The following WASF2 variants were observed in gnomAD, a reference collection of about 807,000 sequenced individuals.
WASF2 encodes actin-binding protein WASF2.
Under a neutral mutation model 45.0 loss-of-function variants are expected in WASF2, and 14 were observed. The ratio of observed to expected loss-of-function variants is 0.31; its 90% CI spans 0.21 to 0.49. The LOEUF (loss-of-function observed/expected upper bound fraction) is 0.49, where lower values mean the gene tolerates loss of function less well. WASF2 is among the 20% of genes least tolerant of loss of function. The pLI is 0.99. For synonymous variants in WASF2, 200 were observed against 236.3 expected, an observed-to-expected ratio of 0.85 and a Z score of 1.41; for missense variants, 439 against 636.1, an observed-to-expected ratio of 0.69 and a Z score of 3.33.
At chr1:27,482,975 T>C (rs1330309277) in intron 1 of WASF2, among the ~76,000 whole-genome samples, 1 of 152,166 alleles carries the variant, frequency 6.6e-6, no homozygotes, top group Non-Finnish European at 1.5e-5. Context: ...CCAGGGATGC[T>C]GCTTAAGTAT....
At chr1:27,465,555 A>G (rs552520707) in intron 1 of WASF2, among the ~76,000 whole-genome samples, 1 of 152,292 alleles carries the variant, frequency 6.6e-6, no homozygotes, top group Admixed American at 6.5e-5. Context: ...TACCTCCATG[A>G]TGACCCACAA....
intron 5 of WASF2, 42 bp downstream of exon 5, chr1:27,415,943 C>T (rs376982622): frequency 2.9e-5 from 43 of 1,500,514 alleles, no homozygotes; most frequent in African/African-American, 1.4e-4. Flanking sequence ...CCTCCACAAT[C>T]GTGCCTACTG....
intron 1 of WASF2, among the ~76,000 whole-genome samples, chr1:27,436,806 T>C (rs1186874953): frequency 1.3e-5 from 2 of 152,184 alleles, no homozygotes; most frequent in Non-Finnish European, 2.9e-5. Context: ...CCAAAGGAGC[T>C]AGTAGGACAG....
intron 1 of WASF2, among the ~76,000 whole-genome samples, chr1:27,489,352 C>CACAT (rs577874581): frequency 1.1e-5 from 1 of 90,096 alleles, no homozygotes; most frequent in African/African-American, 5.5e-5. Flanking sequence ...TCATGGTACA[C>CACAT]ACACACACAC....
intron 1 of WASF2, among the ~76,000 whole-genome samples, chr1:27,442,769 G>A (rs780438656): frequency 2.6e-4 from 39 of 151,780 alleles, no homozygotes; most frequent in Non-Finnish European, 4.1e-4. Context: ...TTAGGGGGCC[G>A]AGGTGGGCGG....
rs925819180 is a variant in WASF2 at position 27,414,716 on chromosome 1, G to T, written c.668+117C>A. On this transcript the variant is annotated intron_variant, in intron 6 of 8. Transcript: ENST00000618852. This position sits in a 1 kb window ranked among gnomAD's most constrained non-coding sequence, Gnocchi z 4.1. Reference sequence around the variant, plus strand: ...AAAGTAGCTGATTAACAGTGGTATTGATCTAAGCCACAGAGACAGACTTCA... The same window carrying T: ...AAAGTAGCTGATTAACAGTGGTATTTATCTAAGCCACAGAGACAGACTTCA... The T allele has an allele frequency of 1.8e-5, 24 of 1,369,908 alleles. No homozygotes were observed. The Admixed American group carries it at 5.5e-4, about 31-fold the overall frequency. 84.9% of individuals were successfully genotyped at this position (1,369,908 alleles called of 1,614,324 possible). A position where few individuals can be genotyped will look rare whatever the true frequency, so the allele number is the denominator to read the frequency against.
At chr1:27,413,681 C>T (rs537870333) in intron 6 of WASF2, among the ~76,000 whole-genome samples, 4 of 152,286 alleles carry the variant, frequency 2.6e-5, no homozygotes, top group South Asian at 4.1e-4. Flanking sequence ...AAATGGAAGG[C>T]AAATCCTCAT....
rs2016808051 is a variant in WASF2 at position 27,414,943 on chromosome 1, T to C, written c.558A>G (p.Pro186=). The C allele has an allele frequency of 1.2e-6, 2 of 1,614,098 alleles. No individual in the cohort carries two copies. Among genetic ancestry groups the C allele is most frequent in the Non-Finnish European group, 1.7e-6 (2 of 1,180,032 alleles). Residue 186 remains proline (P), a synonymous_variant, in exon 6 of 9, where the codon CCA becomes CCG. Coordinates refer to ENST00000618852, the MANE Select transcript of WASF2 (RefSeq NM_006990.5). This position sits in a 1 kb window ranked among gnomAD's most constrained non-coding sequence, Gnocchi z 4.1. ...RKHRKEKKDN[P]NRGNVNPRKI... Reference sequence around the variant, plus strand: ...TACGTGGGTTTACATTCCCTCGATTTGGATTATCTTTCTTTTCTTTCTATA... The same window carrying C: ...TACGTGGGTTTACATTCCCTCGATTCGGATTATCTTTCTTTTCTTTCTATA...
Position 27,408,066 on chromosome 1 carries a change from A to G in WASF2, c.*123T>C, listed in dbSNP as rs769494140. On this transcript the variant is annotated 3_prime_UTR_variant, in exon 9 of 9. Coordinates refer to ENST00000618852, the MANE Select transcript of WASF2 (RefSeq NM_006990.5). ...ATATATCTTTGGTTGCTTCAGGGAA[A>G]GCTTTGGCCCCTTAAAATTACTTTT... The G allele has an allele frequency of 8.4e-7, 1 of 1,184,070 alleles. No homozygotes were observed. The highest frequency in any genetic ancestry group is 1.2e-6 in the Non-Finnish European group (1 of 856,870). The allele number at this position is 1,184,070 out of a possible 1,614,324, so 73.3% of individuals were successfully genotyped here.
chr1:27,427,209 T>C (rs987154553), intron 2 of WASF2, among the ~76,000 whole-genome samples: 8 of 152,196 alleles, frequency 5.3e-5, no homozygotes, highest in Non-Finnish European at 1.0e-4. Context: ...TAAGGTGACT[T>C]TGGCCCTCAG....
At chr1:27,458,486 TA>T (rs1334192384) in intron 1 of WASF2, among the ~76,000 whole-genome samples, 2 of 152,024 alleles carry the variant, frequency 1.3e-5, no homozygotes, top group Non-Finnish European at 2.9e-5. Context: ...TCCTCAAAAA[TA>T]AAGATTTTTA....
intron 1 of WASF2, among the ~76,000 whole-genome samples, chr1:27,433,077 T>C (rs891793294): frequency 2.0e-5 from 3 of 152,176 alleles, no homozygotes; most frequent in African/African-American, 4.8e-5. Context: ...CATTGATAAA[T>C]ATTTAAAAAT....
chr1:27,479,789 A>C (rs1337499550), intron 1 of WASF2, among the ~76,000 whole-genome samples: 1 of 152,154 alleles, frequency 6.6e-6, no homozygotes, highest in East Asian at 1.9e-4. Flanking sequence ...CACTGGAACC[A>C]GGGAGGCAGA....
intron 1 of WASF2, among the ~76,000 whole-genome samples, chr1:27,443,923 G>A (rs2017279078): frequency 1.3e-5 from 2 of 151,896 alleles, no homozygotes; most frequent in African/African-American, 4.8e-5. Context: ...TGGGATTACA[G>A]GCACCCACCA....
chr1:27,415,114 G>T, intron 5 of WASF2, 151 bp from the exon 6 acceptor site: 1 of 1,065,544 alleles, frequency 9.4e-7, no homozygotes, highest in Non-Finnish European at 1.3e-6. Context: ...TGGGTTTGAA[G>T]TGACCCAGAG....
At position 27,412,613 on chromosome 1, in the gene WASF2, G is replaced by A. The variant is rs144042107; in HGVS notation, c.783C>T (p.Ser261=). 1 of 1,614,096 alleles carries A rather than the reference G, an allele frequency of 6.2e-7. No homozygotes were observed. The highest frequency in any genetic ancestry group is 1.3e-5 in the African/African-American group (1 of 74,930). Residue 261 remains serine, a synonymous_variant, in exon 7 of 9, where the codon TCC becomes TCT. Coordinates refer to ENST00000618852, the MANE Select transcript of WASF2 (RefSeq NM_006990.5). The part of the protein sequence containing the change: ...QSDSASSPSP[S]FSEDNLPPPP... ...GAGGAGGCAAGTTGTCCTCGGAGAA[G>A]GAAGGAGAAGGTGAAGAAGCAGAGT...
chr1:27,444,798 C>A (rs141733631), intron 1 of WASF2, among the ~76,000 whole-genome samples: 2 of 152,326 alleles, frequency 1.3e-5, no homozygotes, highest in Admixed American at 6.5e-5. Flanking sequence ...ACTTTAAGTA[C>A]TTTGAAGGCA....
In WASF2 at chr1:27,406,021, CT is replaced by C; in HGVS notation, c.*2167del. ...TGACAGTGAGTGGCTCTAGCTCTCC[CT>C]TTTCCGGGCAAGGAGGATGGGGGTA... On this transcript the variant is annotated 3_prime_UTR_variant, in exon 9 of 9. Transcript: ENST00000618852. 6.5e-6 allele frequency: 1 copy of C among 152,796 alleles called. No individual in the cohort carries two copies. The highest frequency in any genetic ancestry group is 1.5e-5 in the Non-Finnish European group (1 of 68,138). 9.5% of individuals were successfully genotyped at this position (152,796 alleles called of 1,614,324 possible).
intron 1 of WASF2, among the ~76,000 whole-genome samples, chr1:27,461,415 A>G (rs1276017562): frequency 2.7e-5 from 4 of 150,588 alleles, no homozygotes; most frequent in African/African-American, 4.9e-5. Context: ...CCATGACTCA[A>G]TACAGCCTTG....
Sources: allele counts gnomAD v4.1 joint callset (sites outside exome capture counted in the v4.1 genomes callset), GRCh38; gene constraint gnomAD v4.1.1; non-coding constraint Gnocchi (gnomAD v3.1); transcripts MANE v1.5; gene names NCBI Gene and HGNC (gene_info 2026-07-23, HGNC 2026-07-21).